The following CDH20 variants were observed in gnomAD, a reference collection of about 807,000 sequenced individuals.
The protein encoded by CDH20 is cadherin-20.
Under a neutral mutation model 74.2 loss-of-function variants are expected in CDH20, and 29 were observed. The observed-to-expected ratio is 0.39, with a 90% CI of 0.29 to 0.53. The LOEUF (loss-of-function observed/expected upper bound fraction) is 0.53. CDH20 is among the 20% of genes least tolerant of loss of function. The probability of loss-of-function intolerance (pLI) is 0.69; values close to 1 mark genes in which losing one functional copy is unlikely to be tolerated. For synonymous variants in CDH20, 469 were observed against 405.4 expected (o/e 1.16, Z -1.88); for missense variants, 988 against 1,048.3 (o/e 0.94, Z 0.79).
chr18:61,472,224 G>A (rs968920340), intron 1 of CDH20, among the ~76,000 whole-genome samples: 1 of 151,894 alleles, frequency 6.6e-6, no homozygotes, highest in Non-Finnish European at 1.5e-5. Flanking sequence ...GATGCCTTTT[G>A]TTCCCACTCC....
At chr18:61,452,103 A>G (rs1214246335) in intron 1 of CDH20, among the ~76,000 whole-genome samples, 1 of 152,024 alleles carries the variant, frequency 6.6e-6, no homozygotes, top group Non-Finnish European at 1.5e-5. Context: ...CAAAAAACAA[A>G]AAACACCCCC....
At chr18:61,521,243 A>C (rs1337298435) in intron 6 of CDH20, among the ~76,000 whole-genome samples, 1 of 151,344 alleles carries the variant, frequency 6.6e-6, no homozygotes, top group Non-Finnish European at 1.5e-5. Flanking sequence ...TAAAGGGGAT[A>C]TCACCACTGA....
intron 10 of CDH20, among the ~76,000 whole-genome samples, chr18:61,548,746 A>C (rs1177191754): frequency 6.6e-6 from 1 of 152,240 alleles, no homozygotes; most frequent in South Asian, 2.1e-4. Context: ...CAGTAACTAC[A>C]GCAAGGAAAG....
intron 4 of CDH20, 25 bp from the exon 5 acceptor site, chr18:61,502,928 A>G: frequency 6.4e-7 from 1 of 1,568,346 alleles, no homozygotes; most frequent in Non-Finnish European, 8.6e-7. Context: ...TTATTTTTAT[A>G]AACAAAGTCA....
intron 6 of CDH20, among the ~76,000 whole-genome samples, chr18:61,517,045 T>G (rs750070540): frequency 2.0e-5 from 3 of 152,050 alleles, no homozygotes; most frequent in Non-Finnish European, 4.4e-5. Flanking sequence ...AACAATTGGA[T>G]ACCATTTGCA....
chr18:61,464,418 C>T (rs553702215), intron 1 of CDH20, among the ~76,000 whole-genome samples: 2 of 152,146 alleles, frequency 1.3e-5, no homozygotes, highest in Admixed American at 6.5e-5. Context: ...ACTGTCCTCT[C>T]GGCCCATCAC....
intron 1 of CDH20, among the ~76,000 whole-genome samples, chr18:61,348,084 G>T (rs140725374): frequency 8.5e-5 from 13 of 152,176 alleles, no homozygotes; most frequent in African/African-American, 3.1e-4. Context: ...CTTTCTCCTG[G>T]TTATAATTGA....
At chr18:61,424,752 C>T (rs1723589206) in intron 1 of CDH20, among the ~76,000 whole-genome samples, 1 of 152,104 alleles carries the variant, frequency 6.6e-6, no homozygotes, top group Admixed American at 6.6e-5. Flanking sequence ...ATATAAGAAC[C>T]TACCCTCTGC....
In CDH20 at chr18:61,554,298, G is replaced by A; in HGVS notation, c.2009G>A (p.Gly670Asp). The A allele has an allele frequency of 6.2e-7, 1 of 1,613,888 alleles. No individual in the cohort carries two copies. The highest frequency in any genetic ancestry group is 8.5e-7 in the Non-Finnish European group (1 of 1,179,996). ...ENIVRYDDEG[G>D]GEEDTEAFDI... ...ATCGTCCGCTACGACGACGAGGGCGGCGGCGAGGAGGACACCGAGGCCTTC... is the reference window on the plus strand; with the variant it reads ...ATCGTCCGCTACGACGACGAGGGCGACGGCGAGGAGGACACCGAGGCCTTC... The change falls in exon 12 of 12, where the codon GGC becomes GAC. Residue 670 changes from glycine (G) to aspartate (D), a missense_variant. By Grantham distance (94) the Gly-to-Asp change is moderately conservative. Around this residue, in one of 2 missense-constraint regions of CDH20, gnomAD observed 375 missense variants for 293.1 expected, o/e 1.28. Transcript: ENST00000262717.
chr18:61,523,476 G>T (rs1206710033), intron 6 of CDH20, among the ~76,000 whole-genome samples: 1 of 152,148 alleles, frequency 6.6e-6, no homozygotes, highest in African/African-American at 2.4e-5. Flanking sequence ...TGGTGGGAGT[G>T]TAAATTAATT....
intron 1 of CDH20, among the ~76,000 whole-genome samples, chr18:61,363,062 C>A (rs984289327): frequency 6.6e-6 from 1 of 152,016 alleles, no homozygotes; most frequent in East Asian, 1.9e-4. Flanking sequence ...AGCAGATGCA[C>A]CTTTTATGAT....
chr18:61,376,650 C>T lies in CDH20; in HGVS notation c.-153+42823C>T, dbSNP rs191356979. ...AAATAAACATATTAAAAACCTTAAG[C>T]CCTAAACTTTGATGGGATTATTGAT... On this transcript the variant is annotated intron_variant, in intron 1 of 11. Coordinates refer to ENST00000262717, the MANE Select transcript of CDH20 (RefSeq NM_031891.4). Among the ~76,000 whole-genome samples the T allele has an allele frequency of 1.7e-4, 26 of 152,128 alleles. No individual in the cohort carries two copies. The East Asian group carries it at 2.5e-3, about 15-fold the overall frequency.
chr18:61,546,498 T>G lies in CDH20; in HGVS notation c.1648+1354T>G, dbSNP rs140262706. 8.1e-3 allele frequency among the ~76,000 whole-genome samples: 1,237 copies of G among 152,314 alleles called. 31 individuals are homozygous for G. The highest frequency in any genetic ancestry group is 7.2e-3 in the Non-Finnish European group (489 of 68,036). On this transcript the variant is annotated intron_variant, in intron 10 of 11. Coordinates refer to ENST00000262717, the MANE Select transcript of CDH20 (RefSeq NM_031891.4). ...CCTGAAGTTTTTATTGGGTCAAAATTTTGAACTATTCATTTATCTGCTTCA... is the reference window on the plus strand; with the variant it reads ...CCTGAAGTTTTTATTGGGTCAAAATGTTGAACTATTCATTTATCTGCTTCA...
chr18:61,397,507 T>C (rs1337212672), intron 1 of CDH20, among the ~76,000 whole-genome samples: 3 of 152,134 alleles, frequency 2.0e-5, no homozygotes, highest in East Asian at 1.9e-4. Context: ...CCTGCCTCCA[T>C]GTAAATGTCA....
chr18:61,343,453 C>T (rs956241611), intron 1 of CDH20, among the ~76,000 whole-genome samples: 3 of 152,176 alleles, frequency 2.0e-5, no homozygotes, highest in Non-Finnish European at 2.9e-5. Flanking sequence ...GGTTGAGTGC[C>T]TCTACCCAAG....
chr18:61,396,195 C>T (rs912023539), intron 1 of CDH20, among the ~76,000 whole-genome samples: 9 of 152,178 alleles, frequency 5.9e-5, no homozygotes, highest in Non-Finnish European at 7.3e-5. Flanking sequence ...AGAGTGCTCT[C>T]TCTCTAGCAG....
At chr18:61,502,243 G>A (rs1223572381) in intron 4 of CDH20, among the ~76,000 whole-genome samples, 3 of 152,118 alleles carry the variant, frequency 2.0e-5, no homozygotes, top group Non-Finnish European at 4.4e-5. Context: ...CGGATTTGGT[G>A]TAGGCCTCTC....
chr18:61,372,646 C>T (rs1347600689), intron 1 of CDH20, among the ~76,000 whole-genome samples: 6 of 152,040 alleles, frequency 3.9e-5, no homozygotes, highest in Admixed American at 3.9e-4. Context: ...TATTCTGTGA[C>T]ATTAAAAATT....
intron 1 of CDH20, among the ~76,000 whole-genome samples, chr18:61,465,368 T>A (rs148519007): frequency 6.6e-6 from 1 of 152,210 alleles, no homozygotes. Context: ...ACAATTGTCA[T>A]TTTTTACAAA....
Sources: allele counts gnomAD v4.1 joint callset (sites outside exome capture counted in the v4.1 genomes callset), GRCh38; gene constraint gnomAD v4.1.1; regional missense constraint gnomAD v4.1.1; transcripts MANE v1.5; gene names NCBI Gene and HGNC (gene_info 2026-07-23, HGNC 2026-07-21).